The following CUEDC1 variants were observed in gnomAD, a reference collection of about 807,000 sequenced individuals.
CUEDC1 encodes the protein CUE domain containing 1, also known as CUE domain-containing protein 1.
Under a neutral mutation model 43.7 loss-of-function variants are expected in CUEDC1, and 30 were observed. The observed-to-expected ratio is 0.69, with a 90% CI of 0.51 to 0.93. CUEDC1 has a LOEUF of 0.93. CUEDC1 is among the 40% of genes least tolerant of loss of function. The probability of loss-of-function intolerance (pLI) is 0.00; values close to 1 mark genes in which losing one functional copy is unlikely to be tolerated. For synonymous variants in CUEDC1, 223 were observed against 223.6 expected (o/e 1.00, Z 0.02); for missense variants, 486 against 549.0 (o/e 0.89, Z 1.15).
At position 57,868,183 on chromosome 17, in the gene CUEDC1, TTCC is replaced by T; in HGVS notation, c.998_1000del (p.Arg333del). On this transcript the variant is annotated inframe_deletion, in exon 8 of 11. Transcript: ENST00000577830. ...CTTCAACAAGTGTTTCCTCTTTGAC[TTCC>T]TCATTTTGGTCTTCTCTGAGAAGGC... is the stretch of plus-strand genomic sequence containing the variant. 6.2e-7 allele frequency: 1 copy of T among 1,614,192 alleles called. No individual in the cohort carries two copies. The highest frequency in any genetic ancestry group is 8.5e-7 in the Non-Finnish European group (1 of 1,180,002).
At chr17:57,949,486 A>G (rs976509907) in intron 1 of CUEDC1, among the ~76,000 whole-genome samples, 1 of 150,838 alleles carries the variant, frequency 6.6e-6, no homozygotes, top group Non-Finnish European at 1.5e-5. Flanking sequence ...CAAGCAGGAC[A>G]CAAATCCCAC....
chr17:57,879,566 C>T, intron 3 of CUEDC1, 45 bp downstream of exon 3: 4 of 1,540,268 alleles, frequency 2.6e-6, no homozygotes, highest in Non-Finnish European at 3.5e-6. Flanking sequence ...AGCCACTGAT[C>T]CTCTTCCCTG....
At chr17:57,868,004 A>G (rs1311044189) in intron 8 of CUEDC1, 146 bp downstream of exon 8, 5 of 683,620 alleles carry the variant, frequency 7.3e-6, no homozygotes, top group Admixed American at 2.2e-5. Flanking sequence ...GGCCAAGCTC[A>G]TGGAGGAGAG....
chr17:57,953,079 A>C lies in CUEDC1; in HGVS notation c.-316+2146T>G, dbSNP rs149645425. Among the ~76,000 whole-genome samples, 126 of 152,238 alleles carry C rather than the reference A, an allele frequency of 8.3e-4. 2 individuals are homozygous for C. The highest frequency in any genetic ancestry group is 2.9e-3 in the African/African-American group (120 of 41,534). On this transcript the variant is annotated intron_variant, in intron 1 of 10. Coordinates refer to ENST00000577830, the MANE Select transcript of CUEDC1 (RefSeq NM_001271875.2). Reference sequence around the variant, plus strand: ...CAACACCCAGATCATAGCCTTGGACAATTCTGCCCCAAGACCTCCTTAAGA... The same window carrying C: ...CAACACCCAGATCATAGCCTTGGACCATTCTGCCCCAAGACCTCCTTAAGA...
intron 1 of CUEDC1, among the ~76,000 whole-genome samples, chr17:57,918,190 A>T (rs1172461070): frequency 6.6e-6 from 1 of 152,238 alleles, no homozygotes; most frequent in African/African-American, 2.4e-5. Context: ...CCACCAGAGT[A>T]CATGTGCAAA....
chr17:57,928,315 C>T (rs940727760), intron 1 of CUEDC1, among the ~76,000 whole-genome samples: 9 of 151,884 alleles, frequency 5.9e-5, no homozygotes, highest in African/African-American at 2.2e-4. Flanking sequence ...TTTGGGAGGC[C>T]GAGGTGGGCG....
intron 5 of CUEDC1, among the ~76,000 whole-genome samples, chr17:57,871,875 G>T (rs1201672539): frequency 6.6e-6 from 1 of 152,232 alleles, no homozygotes; most frequent in Non-Finnish European, 1.5e-5. Flanking sequence ...AGTGAGCCGA[G>T]ATTGAGCCAC....
At chr17:57,896,487 G>GGGGGTGGGT (rs375270781) in intron 1 of CUEDC1, among the ~76,000 whole-genome samples, 1 of 130,282 alleles carries the variant, frequency 7.7e-6, no homozygotes, top group East Asian at 2.1e-4. Flanking sequence ...TGCATTATGG[G>GGGGGTGGGT]GTGTGTGTGT....
chr17:57,873,615 C>A lies in CUEDC1; in HGVS notation c.567G>T (p.Leu189=). ...GNLPDDFLRI[L]PQQLDSIQGN... Reference sequence around the variant, plus strand: ...CCTGTATGCTGTCCAGCTGCTGGGGCAGGATGCGGAGAAAGTCATCCGGAA... The same window carrying A: ...CCTGTATGCTGTCCAGCTGCTGGGGAAGGATGCGGAGAAAGTCATCCGGAA... The change falls in exon 4 of 11, where the codon CTG becomes CTT. Residue 189 remains leucine, a synonymous_variant. Transcript: ENST00000577830. The A allele has an allele frequency of 6.3e-7, 1 of 1,598,074 alleles. No homozygotes were observed. Among genetic ancestry groups the A allele is most frequent in the Non-Finnish European group, 8.5e-7 (1 of 1,171,860 alleles).
At chr17:57,871,786 C>T (rs978415531) in intron 5 of CUEDC1, among the ~76,000 whole-genome samples, 5 of 152,250 alleles carry the variant, frequency 3.3e-5, no homozygotes, top group South Asian at 2.1e-4. Flanking sequence ...CAGCCAGGTG[C>T]GGTGGCGTGC....
Position 57,866,471 on chromosome 17 carries a change from T to C in CUEDC1, c.*3+3A>G, listed in dbSNP as rs1165678759. On this transcript the variant is annotated splice_donor_region_variant and intron_variant, in intron 10 of 10. Coordinates refer to ENST00000577830, the MANE Select transcript of CUEDC1 (RefSeq NM_001271875.2). ...CCTGGGTTGCTATGGCTCCAGGCCTTACCTCTTACTGTCCTTCTCGCAGGC... is the reference window on the plus strand; with the variant it reads ...CCTGGGTTGCTATGGCTCCAGGCCTCACCTCTTACTGTCCTTCTCGCAGGC... 1.9e-6 allele frequency: 3 copies of C among 1,613,916 alleles called. No homozygotes were observed. The highest frequency in any genetic ancestry group is 1.7e-6 in the Non-Finnish European group (2 of 1,179,928).
At chr17:57,873,464 G>A in intron 4 of CUEDC1, 127 bp downstream of exon 4, 3 of 1,155,876 alleles carry the variant, frequency 2.6e-6, no homozygotes, top group Admixed American at 5.4e-5. Context: ...TACGAACCCA[G>A]GGCAACAGAA....
At chr17:57,891,585 T>A (rs2074355313) in intron 1 of CUEDC1, among the ~76,000 whole-genome samples, 1 of 152,198 alleles carries the variant, frequency 6.6e-6, no homozygotes, top group Non-Finnish European at 1.5e-5. Context: ...CCAACCCACA[T>A]GGTCCTGCCC....
chr17:57,909,268 T>C (rs746106474), intron 1 of CUEDC1, among the ~76,000 whole-genome samples: 29 of 152,136 alleles, frequency 1.9e-4, no homozygotes, highest in Non-Finnish European at 3.5e-4. Flanking sequence ...GTGCTGGGAT[T>C]ACAGGCATGA....
Position 57,914,927 on chromosome 17 carries a change from G to A in CUEDC1, c.-315-29048C>T, listed in dbSNP as rs531507411. On this transcript the variant is annotated intron_variant, in intron 1 of 10. Coordinates refer to ENST00000577830, the MANE Select transcript of CUEDC1 (RefSeq NM_001271875.2). ...TAATTGAAAATGAACCATATGCCAG[G>A]CACTTGGCAAGGTGCGTCCCCACAG... 5 of 152,314 alleles carry A rather than the reference G, an allele frequency of 3.3e-5. No individual in the cohort carries two copies. In the South Asian group the frequency reaches 1.0e-3, roughly 32 times the overall value. The allele number at this position is 152,314 out of a possible 1,614,324, so 9.4% of individuals were successfully genotyped here.
At position 57,885,501 on chromosome 17, in the gene CUEDC1, C is replaced by T. The variant is rs772195159; in HGVS notation, c.64G>A (p.Gly22Arg). ...GGGGCGGCCGTGCCTCCCCCGCCCC[C>T]GCGTGCCCCGGCGGTGCCACCCCCG... ...SGGGGTAGAR[G>R]GGGGTAAPQE... The change falls in exon 2 of 11, where the codon GGG becomes AGG. Residue 22 changes from glycine (G) to arginine (R), a missense_variant. Physicochemically the swap from Gly to Arg is moderately radical, Grantham distance 125. Transcript: ENST00000577830. The T allele has an allele frequency of 1.9e-5, 29 of 1,493,492 alleles. No individual in the cohort carries two copies. Among genetic ancestry groups the T allele is most frequent in the Non-Finnish European group, 2.4e-5 (27 of 1,128,276 alleles). The allele number at this position is 1,493,492 out of a possible 1,614,324, so 92.5% of individuals were successfully genotyped here.
At chr17:57,895,019 T>A (rs1310039507) in intron 1 of CUEDC1, among the ~76,000 whole-genome samples, 1 of 152,232 alleles carries the variant, frequency 6.6e-6, no homozygotes, top group Non-Finnish European at 1.5e-5. Flanking sequence ...CTTAGCAAGA[T>A]AATGGTCATA....
chr17:57,923,283 AG>A (rs2074715081), intron 1 of CUEDC1, among the ~76,000 whole-genome samples: 1 of 152,226 alleles, frequency 6.6e-6, no homozygotes, highest in Non-Finnish European at 1.5e-5. Flanking sequence ...TCCTGGAAGC[AG>A]ACAGTCAACT....
chr17:57,932,241 G>A lies in CUEDC1; in HGVS notation c.-316+22984C>T, dbSNP rs552999434. Among the ~76,000 whole-genome samples the A allele has an allele frequency of 9.2e-5, 13 of 141,514 alleles. No homozygotes were observed. The East Asian group carries it at 1.6e-3, about 17-fold the overall frequency. 92.8% of individuals were successfully genotyped at this position (141,514 alleles called of 152,430 possible). A position where few individuals can be genotyped will look rare whatever the true frequency, so the allele number is the denominator to read the frequency against. ...AGGTTGCAGTGAGCCGAGATCGCGC[G>A]ACAGCACTCCAGCCTGGGCAACAAA... On this transcript the variant is annotated intron_variant, in intron 1 of 10. Transcript: ENST00000577830.
Sources: gnomAD v4.1 joint callset for allele counts (sites outside exome capture counted in the v4.1 genomes callset) on GRCh38, gnomAD v4.1.1 for gene constraint, MANE v1.5 for transcripts, NCBI Gene and HGNC (gene_info 2026-07-23, HGNC 2026-07-21) for gene names.